The following FNBP1L variants were observed in gnomAD, a reference collection of about 807,000 sequenced individuals.
FNBP1L encodes the protein formin binding protein 1 like, also known as formin-binding protein 1-like.
FNBP1L carries 36 observed loss-of-function variants against 91.2 expected under a neutral mutation model. The observed-to-expected ratio is 0.39, with a 90% confidence interval of 0.30 to 0.52. The LOEUF (loss-of-function observed/expected upper bound fraction) is 0.52, where lower values mean the gene tolerates loss of function less well. Among genes scored for constraint, FNBP1L ranks in the 20% least tolerant of loss-of-function variants. The pLI, the probability that FNBP1L is intolerant of heterozygous loss-of-function variation, is 0.66. For synonymous variants in FNBP1L, 242 were observed against 237.0 expected (o/e 1.02, Z -0.19); for missense variants, 571 against 732.1 (o/e 0.78, Z 2.54).
chr1:93,515,810 T>C (rs1390800530), intron 2 of FNBP1L, among the ~76,000 whole-genome samples: 1 of 151,668 alleles, frequency 6.6e-6, no homozygotes, highest in Non-Finnish European at 1.5e-5. Flanking sequence ...ATATACGTAA[T>C]GCTAGATGAC....
At position 93,552,674 on chromosome 1, in the gene FNBP1L, T is replaced by G; in HGVS notation, c.*258T>G. ...AGCCAACAATAGTGTACCATTTTTCTATTTATTTTATTGCTGTCTAATCAA... is the reference window on the plus strand; with the variant it reads ...AGCCAACAATAGTGTACCATTTTTCGATTTATTTTATTGCTGTCTAATCAA... On this transcript the variant is annotated 3_prime_UTR_variant, in exon 17 of 17. Coordinates refer to ENST00000271234, the MANE Select transcript of FNBP1L (RefSeq NM_001164473.3). 1 of 383,026 alleles carries G rather than the reference T, an allele frequency of 2.6e-6. No individual in the cohort carries two copies. The highest frequency in any genetic ancestry group is 4.6e-6 in the Non-Finnish European group (1 of 216,642). 23.7% of individuals were successfully genotyped at this position (383,026 alleles called of 1,614,324 possible).
At chr1:93,523,983 T>C (rs1174208496) in intron 4 of FNBP1L, among the ~76,000 whole-genome samples, 1 of 152,170 alleles carries the variant, frequency 6.6e-6, no homozygotes, top group Non-Finnish European at 1.5e-5. Flanking sequence ...ATGTTTGTCA[T>C]CTACTATTCA....
At chr1:93,539,994 ACAGGCAGCT>A (rs1479222855) in intron 10 of FNBP1L, among the ~76,000 whole-genome samples, 15 of 152,282 alleles carry the variant, frequency 9.9e-5, no homozygotes. Flanking sequence ...TAAAAATTTT[ACAGGCAGCT>A]CACTAATTGA....
intron 1 of FNBP1L, among the ~76,000 whole-genome samples, chr1:93,496,970 CT>C (rs553121832): frequency 6.6e-5 from 10 of 151,930 alleles, no homozygotes; most frequent in African/African-American, 1.5e-4. Flanking sequence ...GGGGTTTGAA[CT>C]TTTTTTTGAG....
chr1:93,550,977 A>G lies in FNBP1L; in HGVS notation c.1682A>G (p.Glu561Gly), dbSNP rs757578445. The G allele has an allele frequency of 1.2e-6, 2 of 1,603,004 alleles. No individual in the cohort carries two copies. The highest frequency in any genetic ancestry group is 2.7e-5 in the African/African-American group (2 of 74,478). ...AATGAAGGTACTCTAGCAATGAAAG[A>G]AGGTGAAGTTCTCTACATTATAGAG... The part of the protein sequence containing the change: ...GHNEGTLAMK[E>G]GEVLYIIEED... Residue 561 changes from glutamate to glycine, a missense_variant, in exon 16 of 17, where the codon GAA becomes GGA. Coordinates refer to ENST00000271234, the MANE Select transcript of FNBP1L (RefSeq NM_001164473.3).
At chr1:93,462,646 C>G (rs563798160) in intron 1 of FNBP1L, among the ~76,000 whole-genome samples, 1 of 152,052 alleles carries the variant, frequency 6.6e-6, no homozygotes, top group Non-Finnish European at 1.5e-5. Context: ...TGGAAAATGT[C>G]CGATGTTTTT....
chr1:93,454,363 C>T (rs1668588847), intron 1 of FNBP1L, among the ~76,000 whole-genome samples: 1 of 151,356 alleles, frequency 6.6e-6, no homozygotes, highest in Admixed American at 6.6e-5. Flanking sequence ...TGTGTAGTTA[C>T]ACATTTGTAT....
At position 93,549,335 on chromosome 1, in the gene FNBP1L, G is replaced by A; in HGVS notation, c.1560G>A (p.Gln520=). 2 of 1,613,244 alleles carry A rather than the reference G, an allele frequency of 1.2e-6. No homozygotes were observed. The highest frequency in any genetic ancestry group is 2.2e-5 in the East Asian group (1 of 44,858). ...AGGAAGTCCGTGGGCCACCCCAGCA[G>A]CATGGTCACCACAATGAGTTTGATG... is the stretch of plus-strand genomic sequence containing the variant. ...ANQEVRGPPQ[Q]HGHHNEFDDE... The change falls in exon 15 of 17, where the codon CAG becomes CAA. Residue 520 remains glutamine (Q), a synonymous_variant. Transcript: ENST00000271234.
At chr1:93,498,789 CCT>C (rs1670350661) in intron 1 of FNBP1L, among the ~76,000 whole-genome samples, 2 of 152,144 alleles carry the variant, frequency 1.3e-5, no homozygotes, top group Admixed American at 1.3e-4. Context: ...TATCATGTTT[CCT>C]GCATTGCAGA....
intron 1 of FNBP1L, among the ~76,000 whole-genome samples, chr1:93,491,788 A>G (rs1259451369): frequency 6.6e-6 from 1 of 152,158 alleles, no homozygotes; most frequent in Non-Finnish European, 1.5e-5. Flanking sequence ...ACTTAACACA[A>G]TTATAGGCTT....
At chr1:93,517,089 G>T (rs553683707) in intron 2 of FNBP1L, among the ~76,000 whole-genome samples, 166 of 150,032 alleles carry the variant, frequency 1.1e-3, no homozygotes, top group African/African-American at 3.8e-3. Context: ...GCCCAGGTTG[G>T]AGTGCAGTGG....
Position 93,552,584 on chromosome 1 carries a change from T to C in FNBP1L, c.*168T>C, listed in dbSNP as rs892308521. 8.5e-6 allele frequency: 5 copies of C among 588,004 alleles called. No individual in the cohort carries two copies. Among genetic ancestry groups the C allele is most frequent in the African/African-American group, 7.6e-5 (4 of 52,680 alleles). The allele number at this position is 588,004 out of a possible 1,614,324, so 36.4% of individuals were successfully genotyped here. On this transcript the variant is annotated 3_prime_UTR_variant, in exon 17 of 17. Transcript: ENST00000271234. Reference sequence around the variant, plus strand: ...TAACTTCATTAGCATTTCCATACATTGTTTTTAAAAATCATAATACCAACC... The same window carrying C: ...TAACTTCATTAGCATTTCCATACATCGTTTTTAAAAATCATAATACCAACC...
chr1:93,530,274 T>TTATG (rs2101757426), intron 6 of FNBP1L, among the ~76,000 whole-genome samples: 1 of 152,296 alleles, frequency 6.6e-6, no homozygotes, highest in East Asian at 1.9e-4. Context: ...ATCATATTAT[T>TTATG]ATTTAGTTTC....
At chr1:93,546,715 CAAACTT>C (rs1289595659) in intron 12 of FNBP1L, 121 bp from the exon 13 acceptor site, 5 of 978,296 alleles carry the variant, frequency 5.1e-6, no homozygotes, top group African/African-American at 1.7e-5. Context: ...TCATGTTAGA[CAAACTT>C]AAAAAGATGT....
At chr1:93,454,031 G>C (rs569005217) in intron 1 of FNBP1L, among the ~76,000 whole-genome samples, 1 of 152,272 alleles carries the variant, frequency 6.6e-6, no homozygotes, top group African/African-American at 2.4e-5. Context: ...CCTAGGTTTT[G>C]GAATAAGAAG....
intron 2 of FNBP1L, among the ~76,000 whole-genome samples, chr1:93,507,194 C>A (rs1433534223): frequency 1.6e-5 from 2 of 128,344 alleles, no homozygotes; most frequent in Admixed American, 1.8e-4. Context: ...AACAATGTAT[C>A]AGCATATCTA....
chr1:93,501,432 C>T (rs544581120), intron 2 of FNBP1L, among the ~76,000 whole-genome samples: 2 of 151,930 alleles, frequency 1.3e-5, no homozygotes, highest in African/African-American at 2.4e-5. Flanking sequence ...AAAGGGGAAG[C>T]GTGGATGTAT....
intron 1 of FNBP1L, among the ~76,000 whole-genome samples, chr1:93,473,858 AG>A (rs1227598364): frequency 1.3e-5 from 2 of 152,148 alleles, no homozygotes; most frequent in Admixed American, 6.5e-5. Flanking sequence ...GGGCAAGGAG[AG>A]GCATTGGTTA....
chr1:93,547,306 T>G, intron 13 of FNBP1L, 41 bp from the exon 14 acceptor site: 2 of 1,410,286 alleles, frequency 1.4e-6, no homozygotes, highest in Non-Finnish European at 2.0e-6. Flanking sequence ...CTTTTAAACA[T>G]ATTTATTGAG....
Sources: gnomAD v4.1 joint callset for allele counts (sites outside exome capture counted in the v4.1 genomes callset) on GRCh38, gnomAD v4.1.1 for gene constraint, MANE v1.5 for transcripts, NCBI Gene and HGNC (gene_info 2026-07-23, HGNC 2026-07-21) for gene names.